SPINK6: variants seen among roughly 807,000 people sequenced by gnomAD.
The protein encoded by SPINK6 is serine peptidase inhibitor Kazal type 6.
Under a neutral mutation model 11.7 loss-of-function variants are expected in SPINK6, and 13 were observed. The ratio of observed to expected loss-of-function variants is 1.11; its 90% CI spans 0.72 to 1.76. The LOEUF is 1.76. Among genes scored for constraint, SPINK6 ranks in the 40% most tolerant of loss-of-function variants. The probability of loss-of-function intolerance (pLI) is 0.00; values close to 1 mark genes in which losing one functional copy is unlikely to be tolerated. For synonymous variants in SPINK6, 21 were observed against 31.9 expected, an observed-to-expected ratio of 0.66 and a Z score of 1.15; for missense variants, 98 against 93.7, an observed-to-expected ratio of 1.05 and a Z score of -0.19.
chr5:148,213,887 T>A (rs1304522059), intron 2 of SPINK6, 23 bp from the exon 3 acceptor site: 1 of 1,256,854 alleles, frequency 8.0e-7, no homozygotes, highest in South Asian at 1.2e-5. Flanking sequence ...CTGATGTCAA[T>A]GTCACTCTGC....
intron 2 of SPINK6, among the ~76,000 whole-genome samples, chr5:148,209,576 G>A (rs1239525330): frequency 2.0e-5 from 3 of 152,140 alleles, no homozygotes; most frequent in Non-Finnish European, 4.4e-5. Flanking sequence ...CTCACACAGT[G>A]AGTTTAGAGG....
intron 2 of SPINK6, 31 bp downstream of exon 2, chr5:148,206,089 C>T (rs777827728): frequency 1.5e-5 from 24 of 1,613,374 alleles, no homozygotes; most frequent in Non-Finnish European, 1.9e-5. Flanking sequence ...CTGCTTTCTG[C>T]CTGGGTGGTG....
chr5:148,203,219 T>C, intron 1 of SPINK6, 65 bp downstream of exon 1: 3 of 1,159,418 alleles, frequency 2.6e-6, no homozygotes, highest in Non-Finnish European at 3.7e-6. Flanking sequence ...AGTAGTTGTT[T>C]ATCATATTTT....
chr5:148,212,642 ATATAAAT>A (rs1561733803), intron 2 of SPINK6, among the ~76,000 whole-genome samples: 17 of 106,148 alleles, frequency 1.6e-4, no homozygotes, highest in African/African-American at 6.1e-4. Context: ...ATTATATATA[ATATAAAT>A]ATATATATTT....
intron 2 of SPINK6, among the ~76,000 whole-genome samples, chr5:148,213,307 G>A (rs916991916): frequency 1.3e-5 from 2 of 152,020 alleles, no homozygotes; most frequent in African/African-American, 2.4e-5. Flanking sequence ...CGTCTCCCAG[G>A]TTCATGCCAT....
At chr5:148,207,858 G>A (rs559436611) in intron 2 of SPINK6, among the ~76,000 whole-genome samples, 8 of 152,150 alleles carry the variant, frequency 5.3e-5, no homozygotes, top group South Asian at 4.2e-4. Flanking sequence ...ATGGGCCAAA[G>A]TCTTATAGTT....
At chr5:148,210,001 T>A (rs34444258) in intron 2 of SPINK6, among the ~76,000 whole-genome samples, 1 of 24,206 alleles carries the variant, frequency 4.1e-5, no homozygotes, top group Non-Finnish European at 7.5e-5. Context: ...TATACACGTA[T>A]GTATACATGT....
Position 148,213,893 on chromosome 5 carries a change from T to A in SPINK6, c.82-17T>A, listed in dbSNP as rs1275340616. The A allele has an allele frequency of 1.5e-6, 2 of 1,339,058 alleles. No homozygotes were observed. Among genetic ancestry groups the A allele is most frequent in the Non-Finnish European group, 2.2e-6 (2 of 926,882 alleles). 82.9% of individuals were successfully genotyped at this position (1,339,058 alleles called of 1,614,324 possible). A position where few individuals can be genotyped will look rare whatever the true frequency, so the allele number is the denominator to read the frequency against. ...TAGAATGCACTGATGTCAATGTCACTCTGCTTACTTTGGTAGGTTGACTGT... is the reference window on the plus strand; with the variant it reads ...TAGAATGCACTGATGTCAATGTCACACTGCTTACTTTGGTAGGTTGACTGT... On this transcript the variant is annotated splice_polypyrimidine_tract_variant and intron_variant, in intron 2 of 3. Coordinates refer to ENST00000325630, the MANE Select transcript of SPINK6 (RefSeq NM_205841.4).
chr5:148,209,096 C>T (rs550844434), intron 2 of SPINK6, among the ~76,000 whole-genome samples: 1 of 152,234 alleles, frequency 6.6e-6, no homozygotes, highest in East Asian at 1.9e-4. Context: ...TAAAACAATG[C>T]TCCATGACTC....
chr5:148,209,955 T>TATGTATACATACACACGTACATATGC, intron 2 of SPINK6, among the ~76,000 whole-genome samples: 1 of 143,438 alleles, frequency 7.0e-6, no homozygotes, highest in African/African-American at 2.9e-5. Context: ...GTTTCATATA[T>TATGTATACATACACACGTACATATGC]ATGTATACAT....
intron 2 of SPINK6, among the ~76,000 whole-genome samples, chr5:148,213,075 G>A (rs1182768440): frequency 2.7e-5 from 4 of 150,884 alleles, no homozygotes; most frequent in African/African-American, 9.7e-5. Flanking sequence ...ATTAGTTTAT[G>A]TGTATATACA....
At chr5:148,212,596 AT>A (rs1233761677) in intron 2 of SPINK6, among the ~76,000 whole-genome samples, 3 of 105,262 alleles carry the variant, frequency 2.9e-5, no homozygotes, top group Non-Finnish European at 5.2e-5. Context: ...TATATTTTAT[AT>A]AATATATAAT....
At chr5:148,210,460 A>G (rs545467996) in intron 2 of SPINK6, among the ~76,000 whole-genome samples, 9 of 151,198 alleles carry the variant, frequency 6.0e-5, no homozygotes, top group African/African-American at 2.2e-4. Context: ...TTCTGCATAC[A>G]TATATATGTA....
At chr5:148,203,970 A>G (rs1755466622) in intron 1 of SPINK6, among the ~76,000 whole-genome samples, 1 of 152,152 alleles carries the variant, frequency 6.6e-6, no homozygotes, top group Non-Finnish European at 1.5e-5. Flanking sequence ...TCTTCTATTA[A>G]TGGCCTGTGT....
At chr5:148,212,654 ATATTT>A (rs1409181690) in intron 2 of SPINK6, among the ~76,000 whole-genome samples, 1 of 102,712 alleles carries the variant, frequency 9.7e-6, no homozygotes, top group African/African-American at 4.5e-5. Flanking sequence ...ATAAATATAT[ATATTT>A]ATATATTTAT....
rs1561734692 is a variant in SPINK6, at chr5:148,214,921, A to G, written c.214A>G (p.Ile72Val). ...CKAIVKSGGK[I>V]SLKHPGKC ...TTTTTGTAGGAAAAGTGGTGGAAAG[A>G]TTAGCCTAAAGCATCCTGGAAAATG... Residue 72 changes from isoleucine to valine, a missense_variant, in exon 4 of 4, where the codon ATT (isoleucine) becomes GTT (valine). Ile to Val is a conservative substitution (Grantham distance 29, BLOSUM62 3). Transcript: ENST00000325630. The G allele has an allele frequency of 6.2e-7, 1 of 1,613,786 alleles. No homozygotes were observed. The highest frequency in any genetic ancestry group is 8.5e-7 in the Non-Finnish European group (1 of 1,179,790).
In SPINK6 at chr5:148,215,091, C is replaced by T. The variant is rs1755664538; in HGVS notation, c.*141C>T. Reference sequence around the variant, plus strand: ...GGGTCTTGAGGAGTTCAATGTATGTCTATTTCTCTTGATTCACTTGTCAAT... The same window carrying T: ...GGGTCTTGAGGAGTTCAATGTATGTTTATTTCTCTTGATTCACTTGTCAAT... On this transcript the variant is annotated 3_prime_UTR_variant, in exon 4 of 4. Coordinates refer to ENST00000325630, the MANE Select transcript of SPINK6 (RefSeq NM_205841.4). 3.1e-6 allele frequency: 2 copies of T among 638,590 alleles called. No individual in the cohort carries two copies. Among genetic ancestry groups the T allele is most frequent in the Non-Finnish European group, 5.4e-6 (2 of 369,718 alleles). 39.6% of individuals were successfully genotyped at this position (638,590 alleles called of 1,614,324 possible). A position where few individuals can be genotyped will look rare whatever the true frequency, so the allele number is the denominator to read the frequency against.
chr5:148,208,669 G>T (rs767700095), intron 2 of SPINK6, among the ~76,000 whole-genome samples: 7 of 152,140 alleles, frequency 4.6e-5, no homozygotes, highest in Non-Finnish European at 8.8e-5. Flanking sequence ...CTAATATGCT[G>T]ACAACTCTTT....
chr5:148,212,497 T>A lies in SPINK6; in HGVS notation c.82-1413T>A, dbSNP rs1185964395. Among the ~76,000 whole-genome samples the A allele has an allele frequency of 9.9e-5, 11 of 110,994 alleles. No individual in the cohort carries two copies. In the South Asian group the frequency reaches 1.8e-3, roughly 18 times the overall value. 72.8% of individuals were successfully genotyped at this position (110,994 alleles called of 152,430 possible). The stretch of plus-strand genomic sequence containing the variant: ...CATATTTTTTATATATATATATATA[T>A]AAAGTATATATTTTATATATATAAA... On this transcript the variant is annotated intron_variant, in intron 2 of 3. Transcript: ENST00000325630.
Sources: allele counts gnomAD v4.1 joint callset (sites outside exome capture counted in the v4.1 genomes callset), GRCh38; gene constraint gnomAD v4.1.1; transcripts MANE v1.5; gene names NCBI Gene and HGNC (gene_info 2026-07-23, HGNC 2026-07-21).